The following PTPRT variants were observed in gnomAD, a reference collection of about 807,000 sequenced individuals.
The protein encoded by PTPRT is protein tyrosine phosphatase receptor type T.
Under a neutral mutation model 176.8 loss-of-function variants are expected in PTPRT, and 56 were observed. The ratio of observed to expected loss-of-function variants is 0.32; its 90% confidence interval spans 0.26 to 0.40. The LOEUF (loss-of-function observed/expected upper bound fraction) is 0.40, where lower values mean the gene tolerates loss of function less well. Ranked by LOEUF, PTPRT falls within the 10% of genes least tolerant of loss-of-function variation. The probability of loss-of-function intolerance (pLI) is 1.00; values close to 1 mark genes in which losing one functional copy is unlikely to be tolerated. For missense variants in PTPRT, 1,540 were observed against 1,908.2 expected, an observed-to-expected ratio of 0.81 and a Z score of 3.60; for synonymous variants, 783 against 739.0, an observed-to-expected ratio of 1.06 and a Z score of -0.96.
chr20:42,039,974 T>A, the PTPRT span, among the ~76,000 whole-genome samples: 1 of 152,086 alleles, frequency 6.6e-6, no homozygotes, highest in Admixed American at 6.6e-5. Flanking sequence ...TGCTGGATCA[T>A]ACGGTAGTTC....
intron 7 of PTPRT, among the ~76,000 whole-genome samples, chr20:42,598,140 A>T (rs2073707896): frequency 6.6e-6 from 1 of 152,196 alleles, no homozygotes; most frequent in African/African-American, 2.4e-5. Flanking sequence ...CTGTTAAAAA[A>T]AAACACAAGT....
chr20:42,719,115 A>G (rs2076269257), intron 6 of PTPRT, among the ~76,000 whole-genome samples: 1 of 152,176 alleles, frequency 6.6e-6, no homozygotes, highest in Non-Finnish European at 1.5e-5. Context: ...TGGAGATGAA[A>G]ACTTCGAGAA....
intron 24 of PTPRT, among the ~76,000 whole-genome samples, chr20:42,105,886 G>A (rs1261576312): frequency 6.6e-6 from 1 of 152,228 alleles, no homozygotes; most frequent in East Asian, 1.9e-4. Context: ...ATCTGTCCCA[G>A]CTCTGGTCGC....
intron 1 of PTPRT, among the ~76,000 whole-genome samples, chr20:43,099,836 T>A (rs539693961): frequency 7.6e-4 from 116 of 152,266 alleles, no homozygotes; most frequent in African/African-American, 2.7e-3. Context: ...CCTTGATTCT[T>A]CCTCGCATGG....
intron 11 of PTPRT, among the ~76,000 whole-genome samples, chr20:42,324,309 T>C (rs752422282): frequency 9.9e-5 from 15 of 152,150 alleles, no homozygotes; most frequent in Non-Finnish European, 2.2e-4. Context: ...TATTAAGTTA[T>C]GGAGAAAAGG....
chr20:43,061,821 T>C (rs2146254116), intron 1 of PTPRT, among the ~76,000 whole-genome samples: 1 of 152,308 alleles, frequency 6.6e-6, no homozygotes, highest in Non-Finnish European at 1.5e-5. Context: ...TCTCCACACC[T>C]TTATCCCACC....
chr20:43,076,123 A>G (rs1174999172), intron 1 of PTPRT, among the ~76,000 whole-genome samples: 1 of 152,206 alleles, frequency 6.6e-6, no homozygotes, highest in Non-Finnish European at 1.5e-5. Flanking sequence ...TTTTTTAAAC[A>G]TAATAGTGAC....
intron 16 of PTPRT, among the ~76,000 whole-genome samples, chr20:42,184,878 C>T (rs1990710043): frequency 6.6e-6 from 1 of 151,046 alleles, no homozygotes; most frequent in African/African-American, 2.4e-5. Context: ...TCAGGTGATC[C>T]ACCCACCTTG....
chr20:42,442,100 T>C (rs1187472905), intron 9 of PTPRT, among the ~76,000 whole-genome samples: 1 of 152,180 alleles, frequency 6.6e-6, no homozygotes, highest in African/African-American at 2.4e-5. Context: ...GGAGGAGGCA[T>C]GCTCATCCAT....
intron 1 of PTPRT, chr20:42,969,575 A>G (rs2146059321): frequency 6.6e-6 from 1 of 152,336 alleles, no homozygotes; most frequent in Middle Eastern, 3.4e-3. Flanking sequence ...AAGCCATAAA[A>G]TCAACCTATG....
intron 1 of PTPRT, among the ~76,000 whole-genome samples, chr20:43,148,670 T>C (rs2014247326): frequency 6.6e-6 from 1 of 152,188 alleles, no homozygotes; most frequent in Non-Finnish European, 1.5e-5. Flanking sequence ...CCATCCCAGC[T>C]ATTTTTATAG....
intron 7 of PTPRT, among the ~76,000 whole-genome samples, chr20:42,582,025 T>C (rs1351877089): frequency 2.0e-5 from 3 of 152,318 alleles, no homozygotes; most frequent in Admixed American, 1.3e-4. Context: ...GACTGGCTTG[T>C]TCACCCCAGT....
At chr20:42,754,649 T>C (rs1569135567) in intron 6 of PTPRT, among the ~76,000 whole-genome samples, 2 of 152,238 alleles carry the variant, frequency 1.3e-5, no homozygotes, top group Non-Finnish European at 2.9e-5. Context: ...AGTGGTGGCT[T>C]CTTTTCTATG....
At chr20:43,049,343 ACATACATACATG>A (rs1248048264) in intron 1 of PTPRT, among the ~76,000 whole-genome samples, 4 of 152,348 alleles carry the variant, frequency 2.6e-5, no homozygotes, top group Admixed American at 6.5e-5. Flanking sequence ...ATACATACAT[ACATACATACATG>A]CATACATACG....
chr20:43,182,085 T>C (rs1568830891), intron 1 of PTPRT, among the ~76,000 whole-genome samples: 1 of 152,204 alleles, frequency 6.6e-6, no homozygotes, highest in Non-Finnish European at 1.5e-5. Flanking sequence ...AACCCATTCA[T>C]TCATGCTCAG....
chr20:42,119,379 T>C (rs1987468208), intron 20 of PTPRT, among the ~76,000 whole-genome samples: 1 of 152,368 alleles, frequency 6.6e-6, no homozygotes, highest in East Asian at 1.9e-4. Context: ...TTTTTATTCC[T>C]ATTATAGATA....
rs4812662 is a variant in PTPRT, at chr20:42,962,831, G to T, written c.89-76899C>A. Among the ~76,000 whole-genome samples the T allele has an allele frequency of 7.0e-3, 1,069 of 152,264 alleles. 22 individuals are homozygous for T. Among genetic ancestry groups the T allele is most frequent in the Admixed American group, 0.051 (785 of 15,294 alleles). ...GCCTGTACTCCCAACACTTTGGGAG[G>T]CTAGGTGGGCGGATCACTTGAAGTC... is the stretch of plus-strand genomic sequence containing the variant. On this transcript the variant is annotated intron_variant, in intron 1 of 30. Transcript: ENST00000373187.
chr20:42,137,246 G>C (rs942329536), intron 18 of PTPRT, among the ~76,000 whole-genome samples: 4 of 152,182 alleles, frequency 2.6e-5, no homozygotes, highest in African/African-American at 9.7e-5. Context: ...AGAGTCAGGA[G>C]CATTGAATAA....
At chr20:42,649,051 C>T (rs913111217) in intron 7 of PTPRT, among the ~76,000 whole-genome samples, 1 of 151,902 alleles carries the variant, frequency 6.6e-6, no homozygotes, top group African/African-American at 2.4e-5. Flanking sequence ...AATCTCATGA[C>T]CTTGTGATCC....
Sources: gnomAD v4.1 joint callset for allele counts (sites outside exome capture counted in the v4.1 genomes callset) on GRCh38, gnomAD v4.1.1 for gene constraint, MANE v1.5 for transcripts, NCBI Gene and HGNC (gene_info 2026-07-23, HGNC 2026-07-21) for gene names.